The following KLHL1 variants were observed in gnomAD, a reference collection of about 807,000 sequenced individuals.
The protein encoded by KLHL1 is kelch like family member 1.
A neutral mutation model predicts 77.7 loss-of-function variants in KLHL1; 47 were observed. That is an observed-to-expected ratio of 0.60 (90% CI 0.48 to 0.77). The LOEUF is 0.77. Among genes scored for constraint, KLHL1 ranks in the 30% least tolerant of loss-of-function variants. The pLI is 0.00. For synonymous variants in KLHL1, 360 were observed against 325.2 expected (o/e 1.11, Z -1.15); for missense variants, 925 against 910.8 (o/e 1.02, Z -0.20).
chr13:70,025,104 A>G (rs1053062814), intron 1 of KLHL1, among the ~76,000 whole-genome samples: 3 of 151,948 alleles, frequency 2.0e-5, no homozygotes, highest in Non-Finnish European at 2.9e-5. Flanking sequence ...AGGTCAGAGG[A>G]CTCCAAACCC....
At chr13:69,778,344 C>CTGTT (rs1372278411) in intron 7 of KLHL1, among the ~76,000 whole-genome samples, 3 of 152,086 alleles carry the variant, frequency 2.0e-5, no homozygotes, top group Non-Finnish European at 4.4e-5. Context: ...AAAAAGAAAA[C>CTGTT]TGTTAGTATT....
At chr13:70,002,400 A>G (rs1366652067) in intron 1 of KLHL1, among the ~76,000 whole-genome samples, 2 of 151,574 alleles carry the variant, frequency 1.3e-5, no homozygotes, top group Admixed American at 1.3e-4. Flanking sequence ...AGTAAGGGCC[A>G]GGAAAAAATA....
intron 1 of KLHL1, among the ~76,000 whole-genome samples, chr13:70,087,948 T>C (rs1239131844): frequency 1.3e-5 from 2 of 152,098 alleles, no homozygotes; most frequent in East Asian, 1.9e-4. Context: ...GAGAGCATCA[T>C]GATAAATAGC....
intron 6 of KLHL1, among the ~76,000 whole-genome samples, chr13:69,803,284 T>C (rs1392420465): frequency 1.4e-5 from 2 of 146,734 alleles, no homozygotes; most frequent in East Asian, 3.9e-4. Flanking sequence ...CATATTATTA[T>C]TGTGTCAATT....
chr13:70,012,793 C>G (rs981597066), intron 1 of KLHL1, among the ~76,000 whole-genome samples: 8 of 151,754 alleles, frequency 5.3e-5, no homozygotes, highest in Non-Finnish European at 1.2e-4. Context: ...CGCCTGTAGT[C>G]CTGGGAGGCT....
intron 4 of KLHL1, among the ~76,000 whole-genome samples, chr13:69,896,965 C>T (rs778431185): frequency 1.3e-4 from 20 of 151,938 alleles, no homozygotes; most frequent in African/African-American, 3.6e-4. Flanking sequence ...CCACTGTGCC[C>T]GGCCTGTTTA....
At chr13:69,771,520 G>A (rs1298908775) in intron 7 of KLHL1, among the ~76,000 whole-genome samples, 1 of 152,168 alleles carries the variant, frequency 6.6e-6, no homozygotes, top group Non-Finnish European at 1.5e-5. Flanking sequence ...TTCAACTAAG[G>A]TCTCTTGTCT....
intron 6 of KLHL1, among the ~76,000 whole-genome samples, chr13:69,813,072 C>T (rs1877956828): frequency 6.6e-6 from 1 of 151,700 alleles, no homozygotes; most frequent in African/African-American, 2.4e-5. Flanking sequence ...TCGGAACCAA[C>T]CCAAATGTTC....
chr13:70,031,882 A>G (rs552840242), intron 1 of KLHL1, among the ~76,000 whole-genome samples: 1 of 152,324 alleles, frequency 6.6e-6, no homozygotes, highest in Non-Finnish European at 1.5e-5. Context: ...AAACCTGACA[A>G]TAGCCGGGAA....
chr13:69,791,317 A>G (rs1305526109), intron 7 of KLHL1, among the ~76,000 whole-genome samples: 2 of 152,144 alleles, frequency 1.3e-5, no homozygotes, highest in Admixed American at 6.5e-5. Context: ...CATCTCATAT[A>G]CAAGATTGGA....
intron 5 of KLHL1, among the ~76,000 whole-genome samples, chr13:69,855,340 AT>A: frequency 1.4e-5 from 1 of 71,126 alleles, no homozygotes; most frequent in Non-Finnish European, 2.8e-5. Flanking sequence ...AGATAGATAG[AT>A]AGATAGACAG....
At chr13:69,778,390 A>G (rs1282606550) in intron 7 of KLHL1, among the ~76,000 whole-genome samples, 1 of 152,086 alleles carries the variant, frequency 6.6e-6, no homozygotes, top group Non-Finnish European at 1.5e-5. Flanking sequence ...CCAGTTTTCT[A>G]AAAGGTATGC....
rs1225954773 is a variant in KLHL1 at position 70,107,373 on chromosome 13, C to G, written c.327G>C (p.Gly109=). Residue 109 remains glycine, a synonymous_variant, in exon 1 of 11, where the codon GGG becomes GGC. Coordinates refer to ENST00000377844, the MANE Select transcript of KLHL1 (RefSeq NM_020866.3). ...TCCTGGCTGGCTGCTGAGTGCCCTG[C>G]CCAGGAGCCCCTTGCTGCAGCCTCG... ...VATRLQQGAP[G]QGTQQPARTL... 3.1e-6 allele frequency: 5 copies of G among 1,613,930 alleles called. No homozygotes were observed. The highest frequency in any genetic ancestry group is 3.4e-6 in the Non-Finnish European group (4 of 1,180,030).
Position 69,882,377 on chromosome 13 carries a change from G to A in KLHL1, c.1133C>T (p.Ala378Val). The A allele has an allele frequency of 1.2e-6, 2 of 1,613,524 alleles. No individual in the cohort carries two copies. The highest frequency in any genetic ancestry group is 1.7e-6 in the Non-Finnish European group (2 of 1,179,552). ...GTCATACTTGACCCACATCATCAAT[G>A]CATGGAAGATGGTTTCTTCATCAGG... ...NVPDEETIFHALMMWVKYDMQ... is the reference protein window; with the variant it reads ...NVPDEETIFHVLMMWVKYDMQ... Residue 378 changes from alanine to valine, a missense_variant, in exon 5 of 11, where the codon GCA (alanine) becomes GTA (valine). Coordinates refer to ENST00000377844, the MANE Select transcript of KLHL1 (RefSeq NM_020866.3).
chr13:69,746,316 T>G (rs1874211434), intron 7 of KLHL1, among the ~76,000 whole-genome samples: 1 of 151,774 alleles, frequency 6.6e-6, no homozygotes, highest in Middle Eastern at 3.4e-3. Flanking sequence ...CTTACTTCAA[T>G]GACATTATAT....
intron 4 of KLHL1, among the ~76,000 whole-genome samples, chr13:69,936,908 C>T (rs1049918417): frequency 1.3e-5 from 2 of 152,094 alleles, no homozygotes; most frequent in African/African-American, 2.4e-5. Context: ...TTTGATCACT[C>T]GCTTGTAACT....
At chr13:69,794,656 A>AGTAC in intron 7 of KLHL1, among the ~76,000 whole-genome samples, 1 of 152,220 alleles carries the variant, frequency 6.6e-6, no homozygotes. Context: ...AAATAGGAAC[A>AGTAC]GTACGTAGCC....
chr13:69,941,002 G>T (rs1212658468), intron 3 of KLHL1, among the ~76,000 whole-genome samples: 1 of 151,790 alleles, frequency 6.6e-6, no homozygotes, highest in Non-Finnish European at 1.5e-5. Flanking sequence ...TTTACTATCT[G>T]TACCTAAGTG....
chr13:69,941,160 T>C (rs1335766037), intron 3 of KLHL1, among the ~76,000 whole-genome samples: 1 of 152,032 alleles, frequency 6.6e-6, no homozygotes, highest in African/African-American at 2.4e-5. Context: ...GCAGAATATA[T>C]GTTCTTTTCA....
Sources: gnomAD v4.1 joint callset for allele counts (sites outside exome capture counted in the v4.1 genomes callset) on GRCh38, gnomAD v4.1.1 for gene constraint, MANE v1.5 for transcripts, NCBI Gene and HGNC (gene_info 2026-07-23, HGNC 2026-07-21) for gene names.